MACROD2: variants seen among roughly 807,000 people sequenced by gnomAD.
MACROD2 encodes the protein ADP-ribose glycohydrolase MACROD2.
In MACROD2, 36 loss-of-function variants were observed where a neutral mutation model predicts 70.4. The observed-to-expected ratio is 0.51, with a 90% CI of 0.39 to 0.68. The LOEUF (loss-of-function observed/expected upper bound fraction) is 0.68. Among genes scored for constraint, MACROD2 ranks in the 30% least tolerant of loss-of-function variants. The pLI is 0.00. For synonymous variants in MACROD2, 172 were observed against 178.8 expected (o/e 0.96, Z 0.30); for missense variants, 496 against 538.4 (o/e 0.92, Z 0.78).
intron 9 of MACROD2, among the ~76,000 whole-genome samples, chr20:15,877,190 T>A (rs541584864): frequency 3.9e-5 from 6 of 152,246 alleles, no homozygotes; most frequent in African/African-American, 1.4e-4. Context: ...TGTACTTGCT[T>A]GCACACGTCC....
chr20:15,325,773 T>C (rs547629667), intron 6 of MACROD2, among the ~76,000 whole-genome samples: 1 of 152,260 alleles, frequency 6.6e-6, no homozygotes, highest in East Asian at 1.9e-4. Flanking sequence ...TGACATATGG[T>C]GGCCTTCCCA....
chr20:15,367,319 C>T (rs2045425436), intron 6 of MACROD2, among the ~76,000 whole-genome samples: 1 of 152,140 alleles, frequency 6.6e-6, no homozygotes. Flanking sequence ...AGCCACCGTG[C>T]CCGGCCCCAA....
intron 3 of MACROD2, among the ~76,000 whole-genome samples, chr20:14,446,023 T>C (rs1239147163): frequency 6.6e-6 from 1 of 152,084 alleles, no homozygotes; most frequent in Non-Finnish European, 1.5e-5. Context: ...TATTTTACTG[T>C]CCAGAATTTG....
At chr20:14,119,313 G>A (rs764100971) in intron 3 of MACROD2, among the ~76,000 whole-genome samples, 71 of 150,950 alleles carry the variant, frequency 4.7e-4, no homozygotes, top group Non-Finnish European at 8.0e-4. Context: ...GATTACCGGC[G>A]CCTGCCACCA....
At position 14,555,246 on chromosome 20, in the gene MACROD2, A is replaced by C. The variant is rs528891904; in HGVS notation, c.301+61738A>C. ...CATGTACTCCACAAACATATACACT[A>C]TGTACCCCCAAAAACTTAAAGAATA... On this transcript the variant is annotated intron_variant, in intron 4 of 17. Coordinates refer to ENST00000684519, the MANE Select transcript of MACROD2 (RefSeq NM_001351661.2). Among the ~76,000 whole-genome samples, 6 of 152,206 alleles carry C rather than the reference A, an allele frequency of 3.9e-5. No individual in the cohort carries two copies. In the East Asian group the frequency reaches 1.2e-3, roughly 29 times the overall value.
chr20:14,471,414 C>G (rs1382429989), intron 3 of MACROD2, among the ~76,000 whole-genome samples: 1 of 152,170 alleles, frequency 6.6e-6, no homozygotes. Flanking sequence ...TGCTGAATGA[C>G]AACAGCATTA....
chr20:14,286,910 A>G (rs926555939), intron 3 of MACROD2, among the ~76,000 whole-genome samples: 1 of 152,194 alleles, frequency 6.6e-6, no homozygotes, highest in Admixed American at 6.5e-5. Context: ...TTTCAAAGCA[A>G]TTAATAACTT....
intron 5 of MACROD2, among the ~76,000 whole-genome samples, chr20:14,996,777 G>A (rs2074953351): frequency 6.6e-6 from 1 of 152,292 alleles, no homozygotes; most frequent in Middle Eastern, 3.4e-3. Flanking sequence ...GCAGAATTCA[G>A]CCAGTGCCCA....
intron 8 of MACROD2, among the ~76,000 whole-genome samples, chr20:15,591,417 C>G (rs1455483642): frequency 6.6e-6 from 1 of 151,666 alleles, no homozygotes; most frequent in Admixed American, 6.7e-5. Flanking sequence ...CGGTCAACAC[C>G]AACATGACAA....
At chr20:14,660,466 G>T (rs1600509825) in intron 4 of MACROD2, among the ~76,000 whole-genome samples, 4 of 152,154 alleles carry the variant, frequency 2.6e-5, no homozygotes, top group African/African-American at 9.6e-5. Flanking sequence ...GTATCAAAAT[G>T]TATGTTGTAT....
chr20:14,477,857 G>C (rs1659627993), intron 3 of MACROD2, among the ~76,000 whole-genome samples: 1 of 152,052 alleles, frequency 6.6e-6, no homozygotes, highest in East Asian at 1.9e-4. Context: ...TATTGCACTG[G>C]AATTGAAAAC....
At position 14,285,689 on chromosome 20, in the gene MACROD2, G is replaced by A. The variant is rs534371041; in HGVS notation, c.271+199961G>A. Among the ~76,000 whole-genome samples, 5 of 152,056 alleles carry A rather than the reference G, an allele frequency of 3.3e-5. No individual in the cohort carries two copies. The South Asian group carries it at 8.3e-4, about 25-fold the overall frequency. On this transcript the variant is annotated intron_variant, in intron 3 of 17. Transcript: ENST00000684519. The stretch of plus-strand genomic sequence containing the variant: ...CTCCAGTCCCTCACTTTATGGGAAG[G>A]TTGTATCATGGTTTTTGGGTATGGA...
intron 8 of MACROD2, among the ~76,000 whole-genome samples, chr20:15,524,464 G>C (rs1276808240): frequency 6.6e-6 from 1 of 152,088 alleles, no homozygotes; most frequent in Non-Finnish European, 1.5e-5. Context: ...AACAAATGTT[G>C]AGAATTAATT....
At chr20:15,862,720 T>C in intron 8 of MACROD2, 25 bp from the exon 9 acceptor site, 1 of 1,589,040 alleles carries the variant, frequency 6.3e-7, no homozygotes, top group Non-Finnish European at 8.6e-7. Flanking sequence ...TTTTTCACTT[T>C]GAGTGTTTTA....
At chr20:15,670,337 G>A (rs911768690) in intron 8 of MACROD2, among the ~76,000 whole-genome samples, 2 of 152,094 alleles carry the variant, frequency 1.3e-5, no homozygotes, top group African/African-American at 4.8e-5. Flanking sequence ...TCAAACAGAG[G>A]CAGAAACAGA....
intron 5 of MACROD2, among the ~76,000 whole-genome samples, chr20:14,828,608 T>C (rs939320794): frequency 3.9e-5 from 6 of 151,934 alleles, no homozygotes; most frequent in Non-Finnish European, 8.8e-5. Flanking sequence ...TAAATAATTG[T>C]ACAAATGCCT....
At chr20:15,777,722 G>T (rs2051756497) in intron 8 of MACROD2, among the ~76,000 whole-genome samples, 1 of 151,020 alleles carries the variant, frequency 6.6e-6, no homozygotes, top group African/African-American at 2.4e-5. Flanking sequence ...TTGGCTTACT[G>T]CAACCTCTGC....
chr20:15,263,192 TA>T (rs1212325957), intron 6 of MACROD2, among the ~76,000 whole-genome samples: 1 of 152,086 alleles, frequency 6.6e-6, no homozygotes, highest in Non-Finnish European at 1.5e-5. Context: ...TTTAAGTCTT[TA>T]ACTCATTTTG....
chr20:14,682,378 C>A (rs2070943050), intron 4 of MACROD2, among the ~76,000 whole-genome samples: 1 of 151,506 alleles, frequency 6.6e-6, no homozygotes, highest in African/African-American at 2.4e-5. Context: ...ATAATATCAC[C>A]AACTGCTGCA....
Sources: allele counts gnomAD v4.1 joint callset (sites outside exome capture counted in the v4.1 genomes callset), GRCh38; gene constraint gnomAD v4.1.1; transcripts MANE v1.5; gene names NCBI Gene and HGNC (gene_info 2026-07-23, HGNC 2026-07-21).